LEPR: variants seen among roughly 807,000 people sequenced by gnomAD.
The protein encoded by LEPR is OB receptor.
Under a neutral mutation model 114.7 loss-of-function variants are expected in LEPR, and 56 were observed. The ratio of observed to expected loss-of-function variants is 0.49; its 90% CI spans 0.39 to 0.61. LEPR has a LOEUF of 0.61. Ranked by LOEUF, LEPR falls within the 20% of genes least tolerant of loss-of-function variation. The pLI is 0.00. For missense variants in LEPR, 1,202 were observed against 1,352.9 expected (o/e 0.89, Z 1.75); for synonymous variants, 443 against 461.4 (o/e 0.96, Z 0.51).
chr1:65,511,357 T>C (rs1376632463), intron 2 of LEPR, among the ~76,000 whole-genome samples: 1 of 151,950 alleles, frequency 6.6e-6, no homozygotes, highest in African/African-American at 2.4e-5. Context: ...CTACATTCAA[T>C]AGGATCTCCA....
chr1:65,583,191 C>A (rs1224727210), intron 5 of LEPR, among the ~76,000 whole-genome samples: 5 of 152,164 alleles, frequency 3.3e-5, no homozygotes, highest in African/African-American at 7.2e-5. Flanking sequence ...GGAACTCAAG[C>A]TGAGCCCAAC....
chr1:65,625,705 AGAT>A (rs1388793120), intron 19 of LEPR, among the ~76,000 whole-genome samples: 1 of 152,178 alleles, frequency 6.6e-6, no homozygotes, highest in East Asian at 1.9e-4. Flanking sequence ...AAGATCTGGT[AGAT>A]GAACAATCAT....
chr1:65,602,178 A>C (rs1165977879), intron 10 of LEPR, among the ~76,000 whole-genome samples: 1 of 152,060 alleles, frequency 6.6e-6, no homozygotes, highest in African/African-American at 2.4e-5. Context: ...TTTTACTTCA[A>C]ATTATCTTTT....
chr1:65,621,562 C>A, intron 18 of LEPR, 104 bp downstream of exon 18: 1 of 929,050 alleles, frequency 1.1e-6, no homozygotes. Flanking sequence ...CTTCTAAGTG[C>A]TTTTATATGT....
chr1:65,549,712 G>T lies in LEPR; in HGVS notation c.-20-15834G>T, dbSNP rs539082204. Among the ~76,000 whole-genome samples the T allele has an allele frequency of 2.6e-3, 402 of 152,058 alleles. 3 individuals are homozygous for T. Among genetic ancestry groups the T allele is most frequent in the Non-Finnish European group, 3.8e-3 (255 of 67,968 alleles). On this transcript the variant is annotated intron_variant, in intron 2 of 19. Transcript: ENST00000349533. The stretch of plus-strand genomic sequence containing the variant: ...TATTGGTTATTCTAGTTATACATTT[G>T]TCTAAATTTTTTTCAAAGTTTTCAA...
chr1:65,551,066 C>T (rs997128964), intron 2 of LEPR, among the ~76,000 whole-genome samples: 4 of 152,002 alleles, frequency 2.6e-5, no homozygotes, highest in East Asian at 1.9e-4. Flanking sequence ...GAGATGAAGC[C>T]GACTTCATCG....
intron 2 of LEPR, among the ~76,000 whole-genome samples, chr1:65,547,773 A>C (rs1467049075): frequency 3.4e-5 from 4 of 118,958 alleles, no homozygotes; most frequent in Non-Finnish European, 7.3e-5. Context: ...TGGATTCATT[A>C]ATTTTTTGAA....
intron 2 of LEPR, among the ~76,000 whole-genome samples, chr1:65,521,365 A>T (rs890762573): frequency 2.0e-5 from 3 of 152,200 alleles, no homozygotes; most frequent in Non-Finnish European, 4.4e-5. Flanking sequence ...CAAAGGCCTG[A>T]CAGAACCAGG....
At chr1:65,530,703 G>C (rs1014257288) in intron 2 of LEPR, among the ~76,000 whole-genome samples, 1 of 152,042 alleles carries the variant, frequency 6.6e-6, no homozygotes, top group Non-Finnish European at 1.5e-5. Context: ...ACTGCAACCT[G>C]TTTTATCAGC....
At chr1:65,433,846 A>G (rs1354284786) in intron 2 of LEPR, 10 of 985,108 alleles carry the variant, frequency 1.0e-5, no homozygotes, top group Non-Finnish European at 1.2e-5. Flanking sequence ...GCCTTGCCTG[A>G]AAAGATAACA....
intron 2 of LEPR, among the ~76,000 whole-genome samples, chr1:65,509,932 A>G (rs1421985926): frequency 6.6e-6 from 1 of 152,218 alleles, no homozygotes; most frequent in Non-Finnish European, 1.5e-5. Flanking sequence ...TGTCGTCCAC[A>G]TGGCATGGAA....
At chr1:65,629,775 A>G (rs1326066035) in intron 19 of LEPR, among the ~76,000 whole-genome samples, 2 of 150,542 alleles carry the variant, frequency 1.3e-5, no homozygotes, top group Middle Eastern at 3.4e-3. Flanking sequence ...TATTTTATCC[A>G]CTACCCCATC....
At chr1:65,553,049 T>G (rs1228406092) in intron 2 of LEPR, among the ~76,000 whole-genome samples, 1 of 152,192 alleles carries the variant, frequency 6.6e-6, no homozygotes, top group Non-Finnish European at 1.5e-5. Context: ...TGGCCCCCAC[T>G]CTCTTCTGGC....
intron 2 of LEPR, among the ~76,000 whole-genome samples, chr1:65,427,204 A>G (rs1427769492): frequency 6.6e-6 from 1 of 152,214 alleles, no homozygotes; most frequent in Non-Finnish European, 1.5e-5. Flanking sequence ...GGAATGTAAT[A>G]CGGTATTATT....
intron 2 of LEPR, among the ~76,000 whole-genome samples, chr1:65,546,003 T>A (rs1651681361): frequency 6.6e-6 from 1 of 151,580 alleles, no homozygotes; most frequent in Non-Finnish European, 1.5e-5. Context: ...AAGGAAGGGA[T>A]CCAGTTTCAG....
chr1:65,424,628 A>G (rs2101677830), intron 1 of LEPR, among the ~76,000 whole-genome samples: 1 of 152,354 alleles, frequency 6.6e-6, no homozygotes, highest in South Asian at 2.1e-4. Flanking sequence ...TGGGTGGCTT[A>G]AACAACAAAC....
chr1:65,579,991 A>G (rs939239358), intron 5 of LEPR, among the ~76,000 whole-genome samples: 1 of 152,202 alleles, frequency 6.6e-6, no homozygotes, highest in Non-Finnish European at 1.5e-5. Context: ...TTCTTACAAG[A>G]TGATTTTTAA....
chr1:65,464,714 G>A (rs975609056), intron 2 of LEPR, among the ~76,000 whole-genome samples: 1 of 152,120 alleles, frequency 6.6e-6, no homozygotes, highest in African/African-American at 2.4e-5. Context: ...CCTGTTATTG[G>A]TCTATTCAGA....
chr1:65,510,540 T>C (rs568053479), intron 2 of LEPR, among the ~76,000 whole-genome samples: 8 of 152,326 alleles, frequency 5.3e-5, no homozygotes, highest in Admixed American at 3.3e-4. Flanking sequence ...GGAGGAATAC[T>C]TTGATTACCT....
Sources: allele counts gnomAD v4.1 joint callset (sites outside exome capture counted in the v4.1 genomes callset), GRCh38; gene constraint gnomAD v4.1.1; transcripts MANE v1.5; gene names NCBI Gene and HGNC (gene_info 2026-07-23, HGNC 2026-07-21).